The following OSBPL6 variants were observed in gnomAD, a reference collection of about 807,000 sequenced individuals.
OSBPL6 encodes the protein oxysterol-binding protein-related protein 6.
Under a neutral mutation model 125.8 loss-of-function variants are expected in OSBPL6, and 49 were observed. The ratio of observed to expected loss-of-function variants is 0.39; its 90% CI spans 0.31 to 0.49. The LOEUF is 0.49. OSBPL6 is among the 20% of genes least tolerant of loss of function. The probability of loss-of-function intolerance (pLI) is 0.88; values close to 1 mark genes in which losing one functional copy is unlikely to be tolerated. For synonymous variants in OSBPL6, 394 were observed against 391.8 expected, an observed-to-expected ratio of 1.01 and a Z score of -0.07; for missense variants, 986 against 1,135.4, an observed-to-expected ratio of 0.87 and a Z score of 1.89.
At chr2:178,347,382 A>T (rs1201809143) in intron 11 of OSBPL6, among the ~76,000 whole-genome samples, 21 of 152,014 alleles carry the variant, frequency 1.4e-4, no homozygotes, top group Non-Finnish European at 1.5e-5. Flanking sequence ...ATATCAGAAA[A>T]CTGTACCATT....
chr2:178,255,078 C>A (rs2091836962), intron 1 of OSBPL6, among the ~76,000 whole-genome samples: 1 of 152,156 alleles, frequency 6.6e-6, no homozygotes, highest in African/African-American at 2.4e-5. Context: ...CCAAGGTGGG[C>A]AGATCACCTG....
At position 178,332,711 on chromosome 2, in the gene OSBPL6, G is replaced by A. The variant is rs1018981494; in HGVS notation, c.443G>A (p.Arg148Gln). 2.0e-5 allele frequency: 33 copies of A among 1,614,036 alleles called. No individual in the cohort carries two copies. The highest frequency in any genetic ancestry group is 3.3e-5 in the South Asian group (3 of 91,086). The change falls in exon 7 of 25, where the codon CGA (arginine) becomes CAA (glutamine). Residue 148 changes from arginine (R) to glutamine (Q), a missense_variant. Transcript: ENST00000190611. ...GTCATGTCAATTAAAAAGAAAGCTC[G>A]AAGAATAGACCTTGACACCGAAGAG... ...LSVMSIKKKA[R>Q]RIDLDTEEHI...
At chr2:178,253,799 C>T (rs2091781928) in intron 1 of OSBPL6, among the ~76,000 whole-genome samples, 1 of 152,164 alleles carries the variant, frequency 6.6e-6, no homozygotes, top group Admixed American at 6.5e-5. Context: ...TGTTTGACCC[C>T]TCTAAAACTC....
intron 2 of OSBPL6, among the ~76,000 whole-genome samples, chr2:178,296,440 T>C (rs6756651): frequency 0.39 from 59,693 of 151,952 alleles, 12,498 homozygotes; most frequent in East Asian, 0.68. Flanking sequence ...AGGCAATCCA[T>C]GGGATATTTT....
At chr2:178,335,350 A>C (rs1034996695) in intron 8 of OSBPL6, among the ~76,000 whole-genome samples, 3 of 152,216 alleles carry the variant, frequency 2.0e-5, no homozygotes, top group Non-Finnish European at 4.4e-5. Flanking sequence ...CTGGTTTTCA[A>C]AACAGATTTA....
Position 178,324,239 on chromosome 2 carries a change from G to A in OSBPL6, c.165G>A (p.Leu55=), listed in dbSNP as rs1290384672. The A allele has an allele frequency of 2.5e-6, 4 of 1,578,144 alleles. No homozygotes were observed. The East Asian group carries it at 9.1e-5, about 36-fold the overall frequency. The change falls in exon 4 of 25, where the codon TTG becomes TTA. Residue 55 remains leucine (L), a synonymous_variant. Coordinates refer to ENST00000190611, the MANE Select transcript of OSBPL6 (RefSeq NM_032523.4). ...CCGAGCCCTCTGTAAGTCGGCAATT[G>A]CTAGAACCGGAGCCAGTCCCCCTCT... ...SSTEPSVSRQ[L]LEPEPVPLSK...
intron 1 of OSBPL6, among the ~76,000 whole-genome samples, chr2:178,208,928 G>T (rs1157855064): frequency 6.6e-6 from 1 of 151,748 alleles, no homozygotes; most frequent in Non-Finnish European, 1.5e-5. Context: ...TATAGTCTGG[G>T]CCTAAAATTC....
chr2:178,265,185 A>C, intron 1 of OSBPL6, among the ~76,000 whole-genome samples: 1 of 102,110 alleles, frequency 9.8e-6, no homozygotes, highest in Non-Finnish European at 2.0e-5. Context: ...CCTGGCCCAG[A>C]CGAGACTTTT....
intron 12 of OSBPL6, among the ~76,000 whole-genome samples, chr2:178,352,077 G>T (rs1444371648): frequency 6.6e-6 from 1 of 152,150 alleles, no homozygotes; most frequent in Non-Finnish European, 1.5e-5. Context: ...ACTCTTCCAA[G>T]ATATAGGAAA....
At chr2:178,338,390 T>C (rs1205106332) in intron 9 of OSBPL6, among the ~76,000 whole-genome samples, 1 of 152,186 alleles carries the variant, frequency 6.6e-6, no homozygotes, top group East Asian at 1.9e-4. Flanking sequence ...TAAACGTTAA[T>C]TCAGACAGAA....
chr2:178,369,864 T>G (rs1348633120), intron 13 of OSBPL6, among the ~76,000 whole-genome samples: 1 of 152,212 alleles, frequency 6.6e-6, no homozygotes, highest in Non-Finnish European at 1.5e-5. Context: ...TCTTTGCCCT[T>G]GAGTTTTTGT....
intron 1 of OSBPL6, among the ~76,000 whole-genome samples, chr2:178,236,044 T>C (rs2091040132): frequency 6.6e-6 from 1 of 151,448 alleles, no homozygotes; most frequent in Admixed American, 6.6e-5. Flanking sequence ...CAAGTTAGAC[T>C]TTTTTTTTAC....
intron 12 of OSBPL6, among the ~76,000 whole-genome samples, chr2:178,359,132 C>T (rs1056808235): frequency 1.1e-4 from 16 of 152,076 alleles, no homozygotes; most frequent in South Asian, 6.2e-4. Context: ...GCTATGATCA[C>T]GCCATTGCAC....
intron 12 of OSBPL6, among the ~76,000 whole-genome samples, chr2:178,350,459 G>A (rs1691149385): frequency 6.6e-6 from 1 of 152,170 alleles, no homozygotes; most frequent in Admixed American, 6.5e-5. Flanking sequence ...CAGCCTGGTG[G>A]AAAAGAAGGG....
intron 20 of OSBPL6, 82 bp from the exon 21 acceptor site, chr2:178,388,927 C>A: frequency 7.1e-7 from 1 of 1,409,088 alleles, no homozygotes. Context: ...AAGCTTTGGC[C>A]AAAGAATATT....
At chr2:178,309,725 G>A (rs760347960) in intron 3 of OSBPL6, among the ~76,000 whole-genome samples, 9 of 152,190 alleles carry the variant, frequency 5.9e-5, no homozygotes, top group Non-Finnish European at 8.8e-5. Context: ...AGAACATCTA[G>A]CAAAACTGGC....
intron 2 of OSBPL6, among the ~76,000 whole-genome samples, chr2:178,301,767 C>G (rs1425414590): frequency 6.6e-6 from 1 of 152,130 alleles, no homozygotes; most frequent in African/African-American, 2.4e-5. Context: ...CTCTAAGAAC[C>G]ATCCCATGGT....
intron 1 of OSBPL6, among the ~76,000 whole-genome samples, chr2:178,217,629 T>C (rs2090145301): frequency 6.6e-6 from 1 of 152,206 alleles, no homozygotes; most frequent in African/African-American, 2.4e-5. Context: ...GGAGGTGGTG[T>C]CTGGTTTACA....
chr2:178,266,774 GCCC>G (rs1415823863), intron 1 of OSBPL6, among the ~76,000 whole-genome samples: 2 of 152,154 alleles, frequency 1.3e-5, no homozygotes, highest in African/African-American at 4.8e-5. Flanking sequence ...CTTTCAACTT[GCCC>G]CCATTTGTAA....
Sources: allele counts gnomAD v4.1 joint callset (sites outside exome capture counted in the v4.1 genomes callset), GRCh38; gene constraint gnomAD v4.1.1; transcripts MANE v1.5; gene names NCBI Gene and HGNC (gene_info 2026-07-23, HGNC 2026-07-21).